Variants in GRM7 observed in about 807,000 individuals in gnomAD.
GRM7 encodes metabotropic glutamate receptor 7.
Under a neutral mutation model 84.5 loss-of-function variants are expected in GRM7, and 35 were observed. The observed-to-expected ratio is 0.41, with a 90% CI of 0.32 to 0.55. GRM7 has a LOEUF of 0.55. Among genes scored for constraint, GRM7 ranks in the 20% least tolerant of loss-of-function variants. GRM7 has a pLI of 0.19. For missense variants in GRM7, 1,003 were observed against 1,194.6 expected (o/e 0.84, Z 2.36); for synonymous variants, 487 against 455.1 (o/e 1.07, Z -0.89).
At chr3:7,235,188 G>C (rs1234668135) in intron 2 of GRM7, among the ~76,000 whole-genome samples, 1 of 152,194 alleles carries the variant, frequency 6.6e-6, no homozygotes, top group East Asian at 1.9e-4. Context: ...TGCAGGATCT[G>C]CGAGTGCCTT....
At chr3:7,421,852 C>A (rs1393510048) in intron 5 of GRM7, among the ~76,000 whole-genome samples, 1 of 142,738 alleles carries the variant, frequency 7.0e-6, no homozygotes, top group East Asian at 2.1e-4. Context: ...ATTTTTAATA[C>A]TGTATTTTTA....
At chr3:7,644,895 G>GC (rs1698546847) in intron 8 of GRM7, among the ~76,000 whole-genome samples, 1 of 152,082 alleles carries the variant, frequency 6.6e-6, no homozygotes, top group African/African-American at 2.4e-5. Flanking sequence ...AGAGTCCTCT[G>GC]CTTGGTCCTA....
At chr3:7,263,765 G>C (rs1350492813) in intron 2 of GRM7, among the ~76,000 whole-genome samples, 1 of 152,092 alleles carries the variant, frequency 6.6e-6, no homozygotes, top group Non-Finnish European at 1.5e-5. Flanking sequence ...GACAGGGCTG[G>C]TGCTCTCTAT....
At chr3:7,038,762 A>T (rs1696480028) in intron 1 of GRM7, among the ~76,000 whole-genome samples, 1 of 152,334 alleles carries the variant, frequency 6.6e-6, no homozygotes, top group African/African-American at 2.4e-5. Context: ...TTTACTGATG[A>T]GGAAGCTGAG....
At chr3:7,281,245 T>C (rs924735282) in intron 2 of GRM7, among the ~76,000 whole-genome samples, 2 of 152,212 alleles carry the variant, frequency 1.3e-5, no homozygotes, top group Non-Finnish European at 2.9e-5. Flanking sequence ...CAGATTCTTT[T>C]TTTAAATATT....
At chr3:7,057,613 T>C (rs1449040015) in intron 1 of GRM7, among the ~76,000 whole-genome samples, 4 of 152,014 alleles carry the variant, frequency 2.6e-5, no homozygotes, top group Non-Finnish European at 5.9e-5. Flanking sequence ...AGTTCATACT[T>C]CTGGAAAATG....
intron 9 of GRM7, chr3:7,680,850 A>T (rs1700339690): frequency 6.5e-6 from 1 of 154,898 alleles, no homozygotes. Context: ...ACTGTGGGGA[A>T]AAACATATCT....
chr3:7,384,090 G>A (rs566583160), intron 4 of GRM7, among the ~76,000 whole-genome samples: 5 of 152,164 alleles, frequency 3.3e-5, no homozygotes, highest in South Asian at 2.1e-4. Context: ...GTGCAGTGGC[G>A]CAATTTTGGC....
At chr3:7,494,440 T>G (rs985011778) in intron 7 of GRM7, among the ~76,000 whole-genome samples, 1 of 152,206 alleles carries the variant, frequency 6.6e-6, no homozygotes, top group Non-Finnish European at 1.5e-5. Flanking sequence ...TTCACATGTT[T>G]CTTTAGATTT....
rs115910640 is a variant in GRM7, at chr3:7,144,811, T to G, written c.520-1641T>G. Among the ~76,000 whole-genome samples the G allele has an allele frequency of 4.0e-3, 616 of 152,314 alleles. 7 individuals carry two copies. The highest frequency in any genetic ancestry group is 0.014 in the African/African-American group (583 of 41,576). On this transcript the variant is annotated intron_variant, in intron 1 of 9. Coordinates refer to ENST00000357716, the MANE Select transcript of GRM7 (RefSeq NM_000844.4). ...TTACTTGCATTAAACCTCACTATAATTGACAAGTTGCTCAGGTAGAAGGAC... is the reference window on the plus strand; with the variant it reads ...TTACTTGCATTAAACCTCACTATAAGTGACAAGTTGCTCAGGTAGAAGGAC...
chr3:7,225,000 A>C (rs531016092), intron 2 of GRM7, among the ~76,000 whole-genome samples: 2 of 152,192 alleles, frequency 1.3e-5, no homozygotes, highest in Non-Finnish European at 2.9e-5. Context: ...TTTAGTTTTT[A>C]CAGCTCTAGT....
chr3:7,704,437 AT>A (rs1046736251), intron 9 of GRM7, among the ~76,000 whole-genome samples: 1 of 152,108 alleles, frequency 6.6e-6, no homozygotes, highest in East Asian at 1.9e-4. Context: ...GTTTGAGAGT[AT>A]TTTTTTCTAT....
chr3:7,326,448 G>T (rs1700991406), intron 4 of GRM7, among the ~76,000 whole-genome samples: 1 of 152,038 alleles, frequency 6.6e-6, no homozygotes, highest in Admixed American at 6.6e-5. Flanking sequence ...TTCTCAGGTG[G>T]TATTTGTTGT....
chr3:7,696,703 T>A (rs778826387), intron 9 of GRM7, among the ~76,000 whole-genome samples: 2 of 152,216 alleles, frequency 1.3e-5, no homozygotes, highest in South Asian at 4.1e-4. Context: ...CTGTGCATGG[T>A]TAGCCCTTGG....
intron 1 of GRM7, among the ~76,000 whole-genome samples, chr3:6,990,924 C>G (rs1694611538): frequency 6.6e-6 from 1 of 152,100 alleles, no homozygotes; most frequent in African/African-American, 2.4e-5. Context: ...TCACAAGAGG[C>G]CAGGAGCGGT....
chr3:6,923,704 C>G, intron 1 of GRM7, among the ~76,000 whole-genome samples: 1 of 152,166 alleles, frequency 6.6e-6, no homozygotes, highest in East Asian at 1.9e-4. Context: ...CAGACCCATT[C>G]TGTGAACTTT....
At chr3:7,350,278 C>T (rs1186839810) in intron 4 of GRM7, among the ~76,000 whole-genome samples, 1 of 151,986 alleles carries the variant, frequency 6.6e-6, no homozygotes, top group East Asian at 1.9e-4. Context: ...ATTTCATGAT[C>T]AATTGTAATG....
At chr3:7,054,306 A>G (rs990565476) in intron 1 of GRM7, among the ~76,000 whole-genome samples, 1 of 149,364 alleles carries the variant, frequency 6.7e-6, no homozygotes, top group African/African-American at 2.4e-5. Context: ...ATTAAAATAT[A>G]TATCTTTTAT....
At position 7,713,543 on chromosome 3, in the gene GRM7, G is replaced by A. The variant is rs149866670; in HGVS notation, c.2699-26814G>A. ...TCGGAGCTCTAGAGCAGATATGAGT[G>A]TAAATCCAGGTTCTACCTCCACTTT... On this transcript the variant is annotated intron_variant, in intron 9 of 9. Coordinates refer to ENST00000357716, the MANE Select transcript of GRM7 (RefSeq NM_000844.4). Among the ~76,000 whole-genome samples, 701 of 152,170 alleles carry A rather than the reference G, an allele frequency of 4.6e-3. 4 individuals carry two copies. Among genetic ancestry groups the A allele is most frequent in the Non-Finnish European group, 6.0e-3 (407 of 68,018 alleles).
Sources: allele counts gnomAD v4.1 joint callset (sites outside exome capture counted in the v4.1 genomes callset), GRCh38; gene constraint gnomAD v4.1.1; transcripts MANE v1.5; gene names NCBI Gene and HGNC (gene_info 2026-07-23, HGNC 2026-07-21).